The following PCDH7 variants were observed in gnomAD, a reference collection of about 807,000 sequenced individuals.
The protein encoded by PCDH7 is protocadherin-7.
Under a neutral mutation model 58.9 loss-of-function variants are expected in PCDH7, and 17 were observed. That is an observed-to-expected ratio of 0.29 (90% CI 0.20 to 0.43). The LOEUF is 0.43. PCDH7 is among the 20% of genes least tolerant of loss of function. The pLI is 1.00. For missense variants in PCDH7, 1,274 were observed against 1,441.0 expected (o/e 0.88, Z 1.88); for synonymous variants, 664 against 616.4 (o/e 1.08, Z -1.14).
chr4:30,829,575 C>T (rs1040817639), intron 1 of PCDH7, among the ~76,000 whole-genome samples: 9 of 152,022 alleles, frequency 5.9e-5, no homozygotes, highest in Non-Finnish European at 1.0e-4. Context: ...CCTGAACCCA[C>T]AGATGCAGCC....
chr4:30,850,829 A>G (rs559636351), intron 1 of PCDH7, among the ~76,000 whole-genome samples: 4 of 152,172 alleles, frequency 2.6e-5, no homozygotes, highest in Admixed American at 2.0e-4. Context: ...TGTCGGCTCC[A>G]TGAGGACTTC....
At chr4:31,132,819 A>G (rs1719150521) in intron 3 of PCDH7, among the ~76,000 whole-genome samples, 1 of 152,196 alleles carries the variant, frequency 6.6e-6, no homozygotes, top group South Asian at 2.1e-4. Flanking sequence ...GCAATTCAAG[A>G]CACTGGTTTG....
chr4:30,731,007 A>G (rs920795538), exon 2 of PCDH7: 1 of 1,215,270 alleles, frequency 8.2e-7, no homozygotes, highest in African/African-American at 1.6e-5. Context: ...GAAATGTGCT[A>G]CTAATGGATG....
intron 3 of PCDH7, among the ~76,000 whole-genome samples, chr4:31,051,012 T>C (rs182183107): frequency 6.6e-6 from 1 of 152,304 alleles, no homozygotes; most frequent in Non-Finnish European, 1.5e-5. Context: ...CTTAATCGCT[T>C]AGTTCACATA....
chr4:30,765,454 G>T (rs1341405386), intron 1 of PCDH7, among the ~76,000 whole-genome samples: 1 of 152,058 alleles, frequency 6.6e-6, no homozygotes, highest in Non-Finnish European at 1.5e-5. Flanking sequence ...TGTTTGTTTA[G>T]TCCCTGGTAC....
intron 1 of PCDH7, among the ~76,000 whole-genome samples, chr4:30,756,618 A>G (rs544089014): frequency 2.0e-5 from 3 of 152,270 alleles, no homozygotes; most frequent in South Asian, 2.1e-4. Flanking sequence ...TGTCAACTTA[A>G]AAAATGCTCA....
At chr4:31,077,113 C>A (rs1759063914) in intron 3 of PCDH7, among the ~76,000 whole-genome samples, 1 of 151,986 alleles carries the variant, frequency 6.6e-6, no homozygotes, top group South Asian at 2.1e-4. Flanking sequence ...TGGTATTATG[C>A]ATATTTAAAA....
intron 3 of PCDH7, among the ~76,000 whole-genome samples, chr4:30,998,544 A>G (rs1480882066): frequency 6.6e-6 from 1 of 152,070 alleles, no homozygotes; most frequent in Non-Finnish European, 1.5e-5. Flanking sequence ...AAGAATTGAC[A>G]TCACCTGGCC....
intron 3 of PCDH7, among the ~76,000 whole-genome samples, chr4:31,095,798 G>A (rs1713894136): frequency 1.3e-5 from 2 of 152,074 alleles, no homozygotes; most frequent in South Asian, 4.1e-4. Flanking sequence ...GTTAATTTAT[G>A]GGCTTTCTCT....
intron 3 of PCDH7, among the ~76,000 whole-genome samples, chr4:31,119,790 T>G (rs1173774766): frequency 2.0e-5 from 3 of 152,026 alleles, no homozygotes; most frequent in Non-Finnish European, 2.9e-5. Flanking sequence ...ATACACATGC[T>G]CCAGAAGAAC....
intron 1 of PCDH7, among the ~76,000 whole-genome samples, chr4:30,753,387 C>T (rs1482477492): frequency 1.3e-5 from 2 of 152,174 alleles, no homozygotes; most frequent in African/African-American, 4.8e-5. Context: ...TCTTGAGTGA[C>T]AATATGGTTA....
chr4:31,115,548 T>C (rs1375200477), intron 3 of PCDH7, among the ~76,000 whole-genome samples: 1 of 152,190 alleles, frequency 6.6e-6, no homozygotes, highest in Non-Finnish European at 1.5e-5. Flanking sequence ...CGTATGTATA[T>C]TGTATAAGCT....
chr4:30,841,508 G>A (rs1731215404), intron 1 of PCDH7, among the ~76,000 whole-genome samples: 1 of 152,062 alleles, frequency 6.6e-6, no homozygotes, highest in Admixed American at 6.6e-5. Context: ...TCTATCTAAA[G>A]CATTACCCTC....
At chr4:30,910,678 G>A (rs1741613414) in intron 1 of PCDH7, among the ~76,000 whole-genome samples, 1 of 152,116 alleles carries the variant, frequency 6.6e-6, no homozygotes, top group African/African-American at 2.4e-5. Flanking sequence ...GAGAGGATGT[G>A]GAGAAATGGG....
chr4:31,030,476 G>A (rs1317788100), intron 3 of PCDH7, among the ~76,000 whole-genome samples: 1 of 152,052 alleles, frequency 6.6e-6, no homozygotes, highest in Non-Finnish European at 1.5e-5. Context: ...GTTGAAGTTT[G>A]TTCTCCAAAT....
intron 1 of PCDH7, among the ~76,000 whole-genome samples, chr4:30,905,287 C>G (rs1408342281): frequency 6.6e-6 from 1 of 152,060 alleles, no homozygotes; most frequent in Non-Finnish European, 1.5e-5. Flanking sequence ...TTCCACTTGG[C>G]TCTTCAGCAT....
chr4:30,970,299 T>A (rs971524385), intron 3 of PCDH7, among the ~76,000 whole-genome samples: 10 of 151,976 alleles, frequency 6.6e-5, no homozygotes, highest in Admixed American at 6.6e-4. Flanking sequence ...ATGATACCTT[T>A]TTTTTTTTTT....
At chr4:30,866,484 C>T (rs2109358416) in intron 1 of PCDH7, among the ~76,000 whole-genome samples, 1 of 152,088 alleles carries the variant, frequency 6.6e-6, no homozygotes, top group South Asian at 2.1e-4. Flanking sequence ...CCTTATTTGA[C>T]TTAGATCTTT....
At chr4:31,031,630 G>A (rs1187566494) in intron 3 of PCDH7, among the ~76,000 whole-genome samples, 2 of 151,314 alleles carry the variant, frequency 1.3e-5, no homozygotes, top group East Asian at 1.9e-4. Flanking sequence ...ATATTTCACT[G>A]GATGTAATGC....
Sources: allele counts gnomAD v4.1 joint callset (sites outside exome capture counted in the v4.1 genomes callset), GRCh38; gene constraint gnomAD v4.1.1; transcripts MANE v1.5; gene names NCBI Gene and HGNC (gene_info 2026-07-23, HGNC 2026-07-21).